Variants in ALK observed in about 807,000 individuals in gnomAD.
The protein encoded by ALK is ALK tyrosine kinase receptor.
Under a neutral mutation model 163.1 loss-of-function variants are expected in ALK, and 74 were observed. The ratio of observed to expected loss-of-function variants is 0.45; its 90% CI spans 0.38 to 0.55. The LOEUF (loss-of-function observed/expected upper bound fraction) is 0.55, where lower values mean the gene tolerates loss of function less well. ALK is among the 20% of genes least tolerant of loss of function. The pLI is 0.00. For missense variants in ALK, 2,063 were observed against 2,105.3 expected, an observed-to-expected ratio of 0.98 and a Z score of 0.39; for synonymous variants, 960 against 843.2, an observed-to-expected ratio of 1.14 and a Z score of -2.40.
At chr2:29,394,144 C>T (rs1345311940) in intron 4 of ALK, among the ~76,000 whole-genome samples, 1 of 151,986 alleles carries the variant, frequency 6.6e-6, no homozygotes, top group Non-Finnish European at 1.5e-5. Context: ...TTAGAAGTTG[C>T]AAATTAAAAT....
intron 3 of ALK, among the ~76,000 whole-genome samples, chr2:29,621,255 A>C (rs1337764005): frequency 6.6e-6 from 1 of 152,014 alleles, no homozygotes; most frequent in Non-Finnish European, 1.5e-5. Flanking sequence ...AAAAAACAAC[A>C]CTGTCTTAGA....
At chr2:29,725,439 G>A (rs1383016955) in intron 1 of ALK, among the ~76,000 whole-genome samples, 1 of 152,152 alleles carries the variant, frequency 6.6e-6, no homozygotes, top group Admixed American at 6.5e-5. Flanking sequence ...TCTTCCCTGA[G>A]CTGGACACCA....
At chr2:29,279,338 G>A (rs1665648328) in intron 9 of ALK, among the ~76,000 whole-genome samples, 1 of 152,142 alleles carries the variant, frequency 6.6e-6, no homozygotes, top group South Asian at 2.1e-4. Context: ...TGTCCACCCG[G>A]GGCCACCCAC....
intron 4 of ALK, among the ~76,000 whole-genome samples, chr2:29,508,842 C>A (rs1326409068): frequency 6.7e-6 from 1 of 149,548 alleles, no homozygotes; most frequent in Non-Finnish European, 1.5e-5. Context: ...ACAGGCACAA[C>A]AAATGCTGAG....
Position 29,513,521 on chromosome 2 carries a change from C to T in ALK, c.1154+18394G>A, listed in dbSNP as rs573144506. ...ATTCAAGATGGATTAAAGACTTAAA[C>T]GTTAGACCTAAAACCATAAAAACCC... On this transcript the variant is annotated intron_variant, in intron 4 of 28. Coordinates refer to ENST00000389048, the MANE Select transcript of ALK (RefSeq NM_004304.5). 2.9e-3 allele frequency among the ~76,000 whole-genome samples: 432 copies of T among 150,414 alleles called. 1 individual carries two copies. The highest frequency in any genetic ancestry group is 9.1e-3 in the African/African-American group (374 of 40,972).
chr2:29,600,254 A>C (rs2148213842), intron 3 of ALK, among the ~76,000 whole-genome samples: 1 of 152,340 alleles, frequency 6.6e-6, no homozygotes, highest in South Asian at 2.1e-4. Context: ...TGGGAGAGTA[A>C]CACCACAAAA....
At chr2:29,745,054 G>A (rs1680173390) in intron 1 of ALK, among the ~76,000 whole-genome samples, 1 of 152,210 alleles carries the variant, frequency 6.6e-6, no homozygotes, top group Non-Finnish European at 1.5e-5. Context: ...GTTAGAAAGT[G>A]AGGAATCGAT....
At chr2:29,707,066 C>T (rs925157208) in intron 2 of ALK, among the ~76,000 whole-genome samples, 3 of 149,344 alleles carry the variant, frequency 2.0e-5, no homozygotes, top group African/African-American at 7.4e-5. Flanking sequence ...GAAGCAGGCT[C>T]CAGAGGGCAT....
At chr2:29,321,693 G>A (rs962637896) in intron 6 of ALK, among the ~76,000 whole-genome samples, 2 of 152,196 alleles carry the variant, frequency 1.3e-5, no homozygotes, top group Admixed American at 1.3e-4. Context: ...CTGTGGAGCA[G>A]AGGCCCCTCC....
chr2:29,614,683 T>C (rs59161176), intron 3 of ALK, among the ~76,000 whole-genome samples: 2,005 of 152,316 alleles, frequency 0.013, 39 homozygotes, highest in African/African-American at 0.037. Flanking sequence ...TCTTCATATC[T>C]GATTGAATTT....
chr2:29,361,347 C>T (rs1365998666), intron 5 of ALK, among the ~76,000 whole-genome samples: 1 of 152,212 alleles, frequency 6.6e-6, no homozygotes. Context: ...AGATAATATT[C>T]CACATTCCAA....
chr2:29,661,778 T>G (rs1677355350), intron 3 of ALK, among the ~76,000 whole-genome samples: 1 of 152,192 alleles, frequency 6.6e-6, no homozygotes, highest in Admixed American at 6.5e-5. Flanking sequence ...ATGGCCAATC[T>G]GTGTCATTTA....
At chr2:29,445,870 C>T (rs1425788856) in intron 4 of ALK, among the ~76,000 whole-genome samples, 2 of 151,142 alleles carry the variant, frequency 1.3e-5, no homozygotes, top group South Asian at 2.1e-4. Flanking sequence ...GAGGCCGAGG[C>T]GGGCGGATCA....
rs370066077 is a variant in ALK, at chr2:29,478,917, C to T, written c.1154+52998G>A. On this transcript the variant is annotated intron_variant, in intron 4 of 28. Coordinates refer to ENST00000389048, the MANE Select transcript of ALK (RefSeq NM_004304.5). ...GTTAAGACATGTCCCCAGAGACTGA[C>T]TAGCTTCAGGAACACAGAAATAAAT... is the stretch of plus-strand genomic sequence containing the variant. Among the ~76,000 whole-genome samples the T allele has an allele frequency of 3.0e-4, 46 of 152,090 alleles. No homozygotes were observed. In the South Asian group the frequency reaches 6.5e-3, roughly 21 times the overall value.
chr2:29,207,475 A>G (rs1302356393), intron 25 of ALK, among the ~76,000 whole-genome samples: 1 of 152,256 alleles, frequency 6.6e-6, no homozygotes, highest in East Asian at 1.9e-4. Context: ...AATAGAAGAC[A>G]AAACAAACCA....
At chr2:29,739,289 G>T (rs1456908014) in intron 1 of ALK, among the ~76,000 whole-genome samples, 1 of 147,380 alleles carries the variant, frequency 6.8e-6, no homozygotes, top group Non-Finnish European at 1.5e-5. Flanking sequence ...CCAGGTGCCA[G>T]TGGCTCACAC....
chr2:29,777,501 G>T (rs1454678553), intron 1 of ALK, among the ~76,000 whole-genome samples: 1 of 152,060 alleles, frequency 6.6e-6, no homozygotes, highest in Non-Finnish European at 1.5e-5. Flanking sequence ...GGTACCTAGG[G>T]TCTTCTACCA....
intron 11 of ALK, among the ~76,000 whole-genome samples, chr2:29,256,839 C>T (rs982975247): frequency 1.6e-4 from 25 of 152,058 alleles, no homozygotes; most frequent in Admixed American, 4.6e-4. Flanking sequence ...AAGGTGTCAG[C>T]CAATGAGAGA....
At chr2:29,393,823 G>T (rs1669239147) in intron 4 of ALK, among the ~76,000 whole-genome samples, 1 of 152,166 alleles carries the variant, frequency 6.6e-6, no homozygotes, top group Non-Finnish European at 1.5e-5. Flanking sequence ...AAATAGGCAG[G>T]AGAACATTTG....
Sources: allele counts gnomAD v4.1 joint callset (sites outside exome capture counted in the v4.1 genomes callset), GRCh38; gene constraint gnomAD v4.1.1; transcripts MANE v1.5; gene names NCBI Gene and HGNC (gene_info 2026-07-23, HGNC 2026-07-21).